Variants in GALM observed in about 807,000 individuals in gnomAD.
GALM encodes the protein aldose 1-epimerase.
GALM carries 43 observed loss-of-function variants against 37.4 expected under a neutral mutation model. The ratio of observed to expected loss-of-function variants is 1.15; its 90% CI spans 0.90 to 1.48. The LOEUF (loss-of-function observed/expected upper bound fraction) is 1.48. GALM is among the 40% of genes most tolerant of loss of function. The probability of loss-of-function intolerance (pLI) is 0.00; values close to 1 mark genes in which losing one functional copy is unlikely to be tolerated. For missense variants in GALM, 456 were observed against 419.1 expected (o/e 1.09, Z -0.77); for synonymous variants, 199 against 170.6 (o/e 1.17, Z -1.30).
chr2:38,713,077 G>A (rs1666203828), intron 4 of GALM, among the ~76,000 whole-genome samples: 2 of 152,126 alleles, frequency 1.3e-5, no homozygotes, highest in South Asian at 4.1e-4. Context: ...CCTGTGAGTC[G>A]TGACTGTGGG....
intron 4 of GALM, among the ~76,000 whole-genome samples, chr2:38,703,051 A>ATT (rs1200584202): frequency 3.0e-5 from 1 of 33,492 alleles, no homozygotes; most frequent in Non-Finnish European, 5.1e-5. Context: ...GATATGTGGG[A>ATT]TTTTATATAT....
At chr2:38,678,305 C>T (rs1365920557) in intron 2 of GALM, among the ~76,000 whole-genome samples, 5 of 152,138 alleles carry the variant, frequency 3.3e-5, no homozygotes, top group Admixed American at 2.6e-4. Flanking sequence ...CCATCGCACC[C>T]GGCCACCAAC....
intron 2 of GALM, among the ~76,000 whole-genome samples, chr2:38,680,870 T>C (rs1269390473): frequency 1.3e-5 from 2 of 152,156 alleles, no homozygotes; most frequent in African/African-American, 4.8e-5. Context: ...GTGCGGTGGC[T>C]CATGCCTGTA....
chr2:38,702,061 A>C (rs192495815), intron 4 of GALM, among the ~76,000 whole-genome samples: 1 of 151,946 alleles, frequency 6.6e-6, no homozygotes, highest in East Asian at 1.9e-4. Flanking sequence ...CTCCATTTTC[A>C]CTGTGCTGCT....
At chr2:38,667,363 G>C (rs1194663846) in intron 1 of GALM, among the ~76,000 whole-genome samples, 3 of 151,966 alleles carry the variant, frequency 2.0e-5, no homozygotes, top group African/African-American at 7.3e-5. Context: ...GTTACATGTT[G>C]GCCAGACCAG....
chr2:38,694,067 A>G (rs1162557831), intron 4 of GALM, among the ~76,000 whole-genome samples: 2 of 152,096 alleles, frequency 1.3e-5, no homozygotes, highest in African/African-American at 4.8e-5. Flanking sequence ...CTGTGGTCCC[A>G]GCTATTTGGG....
chr2:38,712,369 C>T (rs1187084643), intron 4 of GALM, among the ~76,000 whole-genome samples: 1 of 152,170 alleles, frequency 6.6e-6, no homozygotes, highest in African/African-American at 2.4e-5. Flanking sequence ...CTCAGAGAAG[C>T]CTAGAGAGTG....
At position 38,681,422 on chromosome 2, in the gene GALM, C is replaced by T; in HGVS notation, c.488C>T (p.Ala163Val). ...DGGELIVNYR[A>V]QASQATPVNL... ...GGAGAGCTCATAGTCAACTACAGAG[C>T]ACAAGCCAGTCAGGCCACACCAGTC... The change falls in exon 3 of 7, where the codon GCA becomes GTA. Residue 163 changes from alanine to valine, a missense_variant. Physicochemically the swap from Ala to Val is moderately conservative, Grantham distance 64. Coordinates refer to ENST00000272252, the MANE Select transcript of GALM (RefSeq NM_138801.3). The T allele has an allele frequency of 6.2e-7, 1 of 1,614,166 alleles. No individual in the cohort carries two copies. Among genetic ancestry groups the T allele is most frequent in the Non-Finnish European group, 8.5e-7 (1 of 1,180,022 alleles).
At chr2:38,732,274 C>G (rs1244485099) in intron 6 of GALM, among the ~76,000 whole-genome samples, 2 of 152,150 alleles carry the variant, frequency 1.3e-5, no homozygotes, top group African/African-American at 4.8e-5. Flanking sequence ...CCAGGCTGGT[C>G]TCAAAACCCC....
At chr2:38,730,478 G>A (rs1666583821) in intron 5 of GALM, among the ~76,000 whole-genome samples, 2 of 152,034 alleles carry the variant, frequency 1.3e-5, no homozygotes, top group Non-Finnish European at 1.5e-5. Context: ...TGTTGGTCAG[G>A]CTGGTCTTGA....
intron 4 of GALM, chr2:38,698,402 T>A: frequency 7.7e-7 from 1 of 1,304,232 alleles, no homozygotes; most frequent in Non-Finnish European, 1.0e-6. Context: ...GGCTGAGAGC[T>A]CCTTTTACCC....
rs554548027 is a variant in GALM at position 38,716,442 on chromosome 2, C to T, written c.635-13114C>T. Among the ~76,000 whole-genome samples the T allele has an allele frequency of 1.5e-4, 23 of 152,266 alleles. No homozygotes were observed. The East Asian group carries it at 1.5e-3, about 10-fold the overall frequency. ...TGTGCATTTCAACATCAGGTCATGA[C>T]GGTGCAACTTGTTTTGTGATGAATG... On this transcript the variant is annotated intron_variant, in intron 4 of 6. Transcript: ENST00000272252.
intron 4 of GALM, among the ~76,000 whole-genome samples, chr2:38,697,563 C>T (rs879506933): frequency 6.6e-6 from 1 of 152,116 alleles, no homozygotes; most frequent in Non-Finnish European, 1.5e-5. Context: ...TACAGACACT[C>T]GGTAAATAAT....
chr2:38,701,290 A>G (rs1461592355), intron 4 of GALM, among the ~76,000 whole-genome samples: 2 of 152,198 alleles, frequency 1.3e-5, no homozygotes, highest in Admixed American at 1.3e-4. Flanking sequence ...TGTATACAAT[A>G]CAGTGCACTA....
intron 1 of GALM, among the ~76,000 whole-genome samples, chr2:38,675,524 T>TG (rs1665225320): frequency 1.0e-5 from 1 of 96,846 alleles, no homozygotes; most frequent in African/African-American, 4.7e-5. Flanking sequence ...GAGGGTTTTT[T>TG]TGTTTTTTTT....
At chr2:38,669,573 C>G (rs1442683886) in intron 1 of GALM, 2 of 152,188 alleles carry the variant, frequency 1.3e-5, no homozygotes, top group African/African-American at 4.8e-5. Context: ...ATGAGTTTTT[C>G]AACCTTTTTT....
intron 4 of GALM, among the ~76,000 whole-genome samples, chr2:38,727,346 C>T (rs901155480): frequency 6.6e-6 from 1 of 152,078 alleles, no homozygotes; most frequent in Admixed American, 6.6e-5. Context: ...TGCTTCGTAC[C>T]TAGGCATCCT....
chr2:38,681,339 T>C lies in GALM; in HGVS notation c.405T>C (p.Asp135=), dbSNP rs1406358092. The C allele has an allele frequency of 6.2e-7, 1 of 1,613,918 alleles. No homozygotes were observed. The highest frequency in any genetic ancestry group is 1.3e-5 in the African/African-American group (1 of 74,912). Reference sequence around the variant, plus strand: ...TCCAGTTCTCGCGCATCAGTCCAGATGGTGAAGAAGGCTACCCCGGAGAGT... The same window carrying C: ...TCCAGTTCTCGCGCATCAGTCCAGACGGTGAAGAAGGCTACCCCGGAGAGT... ...NGVQFSRISP[D]GEEGYPGELK... The change falls in exon 3 of 7, where the codon GAT becomes GAC. Residue 135 remains aspartate, a synonymous_variant. Coordinates refer to ENST00000272252, the MANE Select transcript of GALM (RefSeq NM_138801.3).
At chr2:38,679,088 G>A (rs1408202155) in intron 2 of GALM, among the ~76,000 whole-genome samples, 2 of 152,182 alleles carry the variant, frequency 1.3e-5, no homozygotes, top group Admixed American at 1.3e-4. Flanking sequence ...CCAGGTTCAA[G>A]TGGTTCTCCT....
Sources: allele counts gnomAD v4.1 joint callset (sites outside exome capture counted in the v4.1 genomes callset), GRCh38; gene constraint gnomAD v4.1.1; transcripts MANE v1.5; gene names NCBI Gene and HGNC (gene_info 2026-07-23, HGNC 2026-07-21).